The following RBFOX1 variants were observed in gnomAD, a reference collection of about 807,000 sequenced individuals.
RBFOX1 encodes the protein RNA binding fox-1 homolog 1.
In RBFOX1, 8 loss-of-function variants were observed where a neutral mutation model predicts 57.7. That is an observed-to-expected ratio of 0.14 (90% CI 0.08 to 0.25). The LOEUF (loss-of-function observed/expected upper bound fraction) is 0.25, where lower values mean the gene tolerates loss of function less well. Ranked by LOEUF, RBFOX1 falls within the 10% of genes least tolerant of loss-of-function variation. The pLI is 1.00. For synonymous variants in RBFOX1, 326 were observed against 222.4 expected, an observed-to-expected ratio of 1.47 and a Z score of -4.15; for missense variants, 611 against 548.5, an observed-to-expected ratio of 1.11 and a Z score of -1.14.
rs77160296 is a variant in RBFOX1, at chr16:6,314,524, G to A, written c.-126-2471G>A. ...CTTCCATGAGTTCAAATGGGGCCAG[G>A]TGAAGGGCAGTTTAGGATGAGAGAA... is the stretch of plus-strand genomic sequence containing the variant. On this transcript the variant is annotated intron_variant, in intron 1 of 15. Coordinates refer to ENST00000550418, the MANE Select transcript of RBFOX1 (RefSeq NM_018723.4). Among the ~76,000 whole-genome samples the A allele has an allele frequency of 9.4e-3, 1,435 of 152,274 alleles. 17 individuals carry two copies. The highest frequency in any genetic ancestry group is 0.016 in the Non-Finnish European group (1,066 of 68,022).
At chr16:6,031,100 C>T (rs1028403148) in intron 1 of RBFOX1, among the ~76,000 whole-genome samples, 1 of 152,064 alleles carries the variant, frequency 6.6e-6, no homozygotes, top group African/African-American at 2.4e-5. Flanking sequence ...AGTGAGTGAC[C>T]CTGTTCGGTA....
At chr16:5,454,947 C>CTTTCTTTCTTTCTTTCT (rs1567535782) in intron 1 of RBFOX1, among the ~76,000 whole-genome samples, 2 of 45,690 alleles carry the variant, frequency 4.4e-5, no homozygotes, top group African/African-American at 1.5e-4. Flanking sequence ...TCCTTCCTTC[C>CTTTCTTTCTTTCTTTCT]TTCCTTCCTT....
chr16:6,885,846 T>C (rs1218960802), intron 3 of RBFOX1, among the ~76,000 whole-genome samples: 1 of 152,154 alleles, frequency 6.6e-6, no homozygotes, highest in Non-Finnish European at 1.5e-5. Flanking sequence ...CATGCAATTT[T>C]TATTTTAGAG....
intron 3 of RBFOX1, among the ~76,000 whole-genome samples, chr16:7,001,366 A>G (rs1050372558): frequency 1.7e-4 from 20 of 115,830 alleles, no homozygotes; most frequent in Non-Finnish European, 2.6e-4. Flanking sequence ...GTTTGTGTGT[A>G]TGTGTATGTG....
chr16:5,483,113 A>G (rs1460243542), intron 2 of RBFOX1, among the ~76,000 whole-genome samples: 1 of 152,088 alleles, frequency 6.6e-6, no homozygotes, highest in Non-Finnish European at 1.5e-5. Context: ...TCCTAAAAAC[A>G]TTTTACAAAG....
intron 2 of RBFOX1, among the ~76,000 whole-genome samples, chr16:6,344,399 T>TTTTC (rs2085016747): frequency 1.1e-5 from 1 of 93,584 alleles, no homozygotes; most frequent in African/African-American, 7.6e-5. Context: ...TTCTTTTTTC[T>TTTTC]TTTTTTTCTT....
At chr16:6,013,016 T>C (rs2094970871) in intron 4 of RBFOX1, among the ~76,000 whole-genome samples, 1 of 152,160 alleles carries the variant, frequency 6.6e-6, no homozygotes, top group Non-Finnish European at 1.5e-5. Flanking sequence ...GCACTGTCCA[T>C]TGTATTAATA....
chr16:5,303,209 T>A (rs932967826), intron 1 of RBFOX1, among the ~76,000 whole-genome samples: 2 of 152,148 alleles, frequency 1.3e-5, no homozygotes, highest in African/African-American at 4.8e-5. Flanking sequence ...GCCTCACTGG[T>A]TTTATTAATA....
chr16:6,695,101 G>A (rs191632369), intron 3 of RBFOX1, among the ~76,000 whole-genome samples: 2 of 152,230 alleles, frequency 1.3e-5, no homozygotes, highest in East Asian at 3.9e-4. Context: ...CCTTGTCCCA[G>A]TGAATATTAC....
intron 3 of RBFOX1, among the ~76,000 whole-genome samples, chr16:6,885,485 A>G (rs1393585642): frequency 6.6e-6 from 1 of 152,178 alleles, no homozygotes; most frequent in Non-Finnish European, 1.5e-5. Context: ...CTTTCTTGAC[A>G]AAGTCCAGGA....
At chr16:7,471,076 T>G (rs1401925449) in intron 4 of RBFOX1, among the ~76,000 whole-genome samples, 1 of 152,070 alleles carries the variant, frequency 6.6e-6, no homozygotes, top group Non-Finnish European at 1.5e-5. Context: ...AAAATGAAAA[T>G]GTTCTTCCCA....
At chr16:7,250,192 TGTG>T (rs1358068536) in intron 4 of RBFOX1, among the ~76,000 whole-genome samples, 7 of 152,220 alleles carry the variant, frequency 4.6e-5, no homozygotes, top group South Asian at 4.1e-4. Context: ...AAAATTCAAA[TGTG>T]GTGTTTCTAA....
chr16:7,266,780 T>A (rs1567960546), intron 4 of RBFOX1, among the ~76,000 whole-genome samples: 1 of 151,632 alleles, frequency 6.6e-6, no homozygotes, highest in African/African-American at 2.4e-5. Flanking sequence ...GGAAAAAAAA[T>A]AAGAAAACAT....
chr16:7,046,724 G>C (rs189138118), intron 3 of RBFOX1, among the ~76,000 whole-genome samples: 3 of 148,164 alleles, frequency 2.0e-5, no homozygotes, highest in African/African-American at 7.5e-5. Flanking sequence ...TCCTGCCTCA[G>C]CCTCCCAAAT....
At chr16:7,231,090 A>G (rs551173868) in intron 4 of RBFOX1, among the ~76,000 whole-genome samples, 2 of 152,264 alleles carry the variant, frequency 1.3e-5, no homozygotes, top group East Asian at 1.9e-4. Flanking sequence ...CTACCTCTCC[A>G]GAATTCAGGG....
intron 4 of RBFOX1, among the ~76,000 whole-genome samples, chr16:7,323,320 A>C (rs1426013154): frequency 6.6e-6 from 1 of 152,142 alleles, no homozygotes; most frequent in Non-Finnish European, 1.5e-5. Flanking sequence ...GGTTTTCAGG[A>C]GTCTGAGGCA....
intron 4 of RBFOX1, among the ~76,000 whole-genome samples, chr16:7,332,376 A>G (rs1387240461): frequency 6.6e-6 from 1 of 152,210 alleles, no homozygotes; most frequent in Non-Finnish European, 1.5e-5. Context: ...TGGTAGTTTT[A>G]TCTTATTTAC....
intron 1 of RBFOX1, among the ~76,000 whole-genome samples, chr16:6,130,783 A>T (rs1173621414): frequency 6.6e-6 from 1 of 152,172 alleles, no homozygotes; most frequent in South Asian, 2.1e-4. Context: ...GAAAAGAGAC[A>T]TTTCAGAATG....
At chr16:5,725,256 TG>T (rs899047705) in intron 3 of RBFOX1, among the ~76,000 whole-genome samples, 11 of 152,172 alleles carry the variant, frequency 7.2e-5, no homozygotes, top group African/African-American at 2.6e-4. Flanking sequence ...TCTATTTTTT[TG>T]TTAAGAGACA....
Sources: allele counts gnomAD v4.1 joint callset (sites outside exome capture counted in the v4.1 genomes callset), GRCh38; gene constraint gnomAD v4.1.1; transcripts MANE v1.5; gene names NCBI Gene and HGNC (gene_info 2026-07-23, HGNC 2026-07-21).